The following UBL3 variants were observed in gnomAD, a reference collection of about 807,000 sequenced individuals.
UBL3 encodes ubiquitin-like protein 3.
In UBL3, 6 loss-of-function variants were observed where a neutral mutation model predicts 18.4. That is an observed-to-expected ratio of 0.33 (90% CI 0.18 to 0.64). The LOEUF (loss-of-function observed/expected upper bound fraction) is 0.64, where lower values mean the gene tolerates loss of function less well. Among genes scored for constraint, UBL3 ranks in the 30% least tolerant of loss-of-function variants. The pLI is 0.76. For synonymous variants in UBL3, 49 were observed against 46.6 expected (o/e 1.05, Z -0.21); for missense variants, 109 against 142.9 (o/e 0.76, Z 1.21).
At chr13:29,798,389 T>C (rs1037793546) in intron 1 of UBL3, among the ~76,000 whole-genome samples, 6 of 152,030 alleles carry the variant, frequency 3.9e-5, no homozygotes, top group Non-Finnish European at 2.9e-5. Context: ...CCCTAAAGTA[T>C]GTCAATAAAA....
intron 1 of UBL3, among the ~76,000 whole-genome samples, chr13:29,799,294 G>C (rs1355331014): frequency 6.6e-6 from 1 of 152,198 alleles, no homozygotes; most frequent in African/African-American, 2.4e-5. Context: ...AAATTGCCTT[G>C]GTTGAGAATC....
At chr13:29,803,638 A>T (rs1208968712) in intron 1 of UBL3, among the ~76,000 whole-genome samples, 1 of 151,928 alleles carries the variant, frequency 6.6e-6, no homozygotes, top group East Asian at 1.9e-4. Context: ...AAGGGGTTTC[A>T]ATCCTAATTT....
At chr13:29,788,490 G>A (rs1358592871) in intron 1 of UBL3, among the ~76,000 whole-genome samples, 1 of 152,128 alleles carries the variant, frequency 6.6e-6, no homozygotes, top group Non-Finnish European at 1.5e-5. Flanking sequence ...CTTCTTCCTA[G>A]GTCAGGACTT....
chr13:29,773,819 A>C (rs1876910594), intron 2 of UBL3, among the ~76,000 whole-genome samples: 1 of 152,166 alleles, frequency 6.6e-6, no homozygotes, highest in Admixed American at 6.6e-5. Context: ...TATGTGTCTG[A>C]CTATTCCACC....
intron 1 of UBL3, among the ~76,000 whole-genome samples, chr13:29,811,794 T>C (rs1161091734): frequency 1.3e-5 from 2 of 152,162 alleles, no homozygotes; most frequent in African/African-American, 4.8e-5. Context: ...GATAATTAAA[T>C]ATCTTTAGTG....
chr13:29,849,574 AAAAC>A lies in UBL3; in HGVS notation c.-40_-37del, dbSNP rs529642027. Reference sequence around the variant, plus strand: ...GATATACACCCAGATGTTTACGAAAAAAACAAACAAAGAAAAAAGAGCAGAAGTC... The same window carrying A: ...GATATACACCCAGATGTTTACGAAAAAAACAAAGAAAAAAGAGCAGAAGTC... On this transcript the variant is annotated 5_prime_UTR_variant, in exon 1 of 5. Coordinates refer to ENST00000380680, the MANE Select transcript of UBL3 (RefSeq NM_007106.4). 569 of 1,612,892 alleles carry A rather than the reference AAAAC, an allele frequency of 3.5e-4. 1 individual carries two copies. Among genetic ancestry groups the A allele is most frequent in the African/African-American group, 2.7e-3 (201 of 75,050 alleles).
chr13:29,768,808 T>C (rs1876760408), intron 3 of UBL3, among the ~76,000 whole-genome samples: 1 of 152,074 alleles, frequency 6.6e-6, no homozygotes, highest in South Asian at 2.1e-4. Context: ...TAAATCAAAA[T>C]GTAAGTAAGA....
chr13:29,837,570 A>G (rs759649713), intron 1 of UBL3, among the ~76,000 whole-genome samples: 1 of 152,172 alleles, frequency 6.6e-6, no homozygotes, highest in Non-Finnish European at 1.5e-5. Flanking sequence ...AATAATACTT[A>G]AAGAATATTA....
chr13:29,836,355 T>C (rs9508568), intron 1 of UBL3, among the ~76,000 whole-genome samples: 37,478 of 123,872 alleles, frequency 0.3, 5,380 homozygotes, highest in East Asian at 0.44. Context: ...AATAAATAAA[T>C]AAACAAATAA....
At chr13:29,799,165 C>CG (rs1192427649) in intron 1 of UBL3, among the ~76,000 whole-genome samples, 2 of 152,202 alleles carry the variant, frequency 1.3e-5, no homozygotes, top group Non-Finnish European at 2.9e-5. Flanking sequence ...TCTCTTGCTT[C>CG]TATCCACTAG....
At chr13:29,788,730 G>C (rs937211868) in intron 1 of UBL3, among the ~76,000 whole-genome samples, 3 of 152,024 alleles carry the variant, frequency 2.0e-5, no homozygotes, top group African/African-American at 7.3e-5. Flanking sequence ...AATATAAGTA[G>C]ATGCTAAGAA....
In UBL3 at chr13:29,835,889, C is replaced by G. The variant is rs191858335; in HGVS notation, c.27+13623G>C. On this transcript the variant is annotated intron_variant, in intron 1 of 4. Transcript: ENST00000380680. ...CCAATACAATTAAAGCATAGCAAAT[C>G]AAATGAGATGACATAGTCATGTTAG... is the stretch of plus-strand genomic sequence containing the variant. Among the ~76,000 whole-genome samples the G allele has an allele frequency of 1.4e-3, 211 of 150,304 alleles. 1 individual carries two copies. Among genetic ancestry groups the G allele is most frequent in the African/African-American group, 4.7e-3 (194 of 40,870 alleles).
At chr13:29,819,473 T>G (rs1425515839) in intron 1 of UBL3, among the ~76,000 whole-genome samples, 1 of 152,176 alleles carries the variant, frequency 6.6e-6, no homozygotes, top group Non-Finnish European at 1.5e-5. Flanking sequence ...CTAAGGAGAT[T>G]GTTACAATGG....
intron 1 of UBL3, among the ~76,000 whole-genome samples, chr13:29,832,522 CGG>C (rs922330023): frequency 2.0e-5 from 3 of 151,920 alleles, no homozygotes; most frequent in African/African-American, 7.3e-5. Context: ...TTAGTAGAGA[CGG>C]GGCCTAATTT....
chr13:29,813,158 A>G (rs1312509555), intron 1 of UBL3, among the ~76,000 whole-genome samples: 3 of 152,154 alleles, frequency 2.0e-5, no homozygotes, highest in Middle Eastern at 3.4e-3. Flanking sequence ...TCTTTTCCTA[A>G]GCAATTGCTA....
chr13:29,849,707 C>G lies in UBL3; in HGVS notation c.-169G>C, dbSNP rs367794543. 2.2e-4 allele frequency: 189 copies of G among 857,110 alleles called. No homozygotes were observed. The African/African-American group carries it at 2.9e-3, about 13-fold the overall frequency. 53.1% of individuals were successfully genotyped at this position (857,110 alleles called of 1,614,324 possible). ...CCAAAGTGCCGGTCAGGCCGAGGTT[C>G]TGGTTCGAAGAGGAACAATCCCCAG... On this transcript the variant is annotated 5_prime_UTR_variant, in exon 1 of 5. Coordinates refer to ENST00000380680, the MANE Select transcript of UBL3 (RefSeq NM_007106.4).
rs114662463 is a variant in UBL3, at chr13:29,793,755, G to A, written c.28-16492C>T. On this transcript the variant is annotated intron_variant, in intron 1 of 4. Transcript: ENST00000380680. ...CACCATAAAACGGATACAAAGTCTG[G>A]AAAAGATTTAAATTAGTCTCTGGAC... is the stretch of plus-strand genomic sequence containing the variant. Among the ~76,000 whole-genome samples the A allele has an allele frequency of 9.7e-3, 1,476 of 152,264 alleles. 23 individuals carry two copies. Among genetic ancestry groups the A allele is most frequent in the African/African-American group, 0.034 (1,416 of 41,548 alleles).
intron 1 of UBL3, among the ~76,000 whole-genome samples, chr13:29,804,185 A>G (rs1877843934): frequency 6.6e-6 from 1 of 152,052 alleles, no homozygotes; most frequent in Admixed American, 6.6e-5. Flanking sequence ...CCATACAATT[A>G]CAGGTAAATT....
rs1879043108 is a variant in UBL3, at chr13:29,839,593, C to G, written c.27+9919G>C. On this transcript the variant is annotated intron_variant, in intron 1 of 4. Transcript: ENST00000380680. ...CAGTTGAACGCAGGAGTTCAGAAAC[C>G]AGCTTGGCCAACACAGTGAGACCCC... Among the ~76,000 whole-genome samples the G allele has an allele frequency of 2.0e-5, 3 of 152,080 alleles. No homozygotes were observed. In the South Asian group the frequency reaches 6.2e-4, roughly 32 times the overall value.
Sources: gnomAD v4.1 joint callset for allele counts (sites outside exome capture counted in the v4.1 genomes callset) on GRCh38, gnomAD v4.1.1 for gene constraint, MANE v1.5 for transcripts, NCBI Gene and HGNC (gene_info 2026-07-23, HGNC 2026-07-21) for gene names.